Variants in IL1RAPL1 observed in about 807,000 individuals in gnomAD.
The protein encoded by IL1RAPL1 is interleukin 1 receptor accessory protein like 1.
In IL1RAPL1, 3 loss-of-function variants were observed where a neutral mutation model predicts 48.4. That is an observed-to-expected ratio of 0.06 (90% CI 0.03 to 0.16). The LOEUF (loss-of-function observed/expected upper bound fraction) is 0.16. Among genes scored for constraint, IL1RAPL1 ranks in the 10% least tolerant of loss-of-function variants. The pLI is 1.00. For synonymous variants in IL1RAPL1, 185 were observed against 187.7 expected (o/e 0.99, Z 0.12); for missense variants, 349 against 530.6 (o/e 0.66, Z 3.36).
chrX:28,666,232 A>G (rs1349736688), intron 1 of IL1RAPL1, among the ~76,000 whole-genome samples: 2 of 112,159 alleles, frequency 1.8e-5, no homozygotes, highest in African/African-American at 3.2e-5. Context: ...CTGTAAAATG[A>G]CATCCAAATA....
intron 5 of IL1RAPL1, among the ~76,000 whole-genome samples, chrX:29,638,606 G>A (rs894439136): frequency 7.2e-5 from 8 of 111,073 alleles, no homozygotes; most frequent in Non-Finnish European, 1.5e-4. Context: ...TTGTTCAGTT[G>A]AACAATGCCC....
At chrX:28,705,430 G>A (rs1368370077) in intron 1 of IL1RAPL1, among the ~76,000 whole-genome samples, 1 of 111,602 alleles carries the variant, frequency 9.0e-6, no homozygotes, top group African/African-American at 3.3e-5. Context: ...CAGACCTACC[G>A]GTGTCTTTTA....
chrX:29,668,888 C>A (rs756899063), intron 6 of IL1RAPL1, among the ~76,000 whole-genome samples: 133 of 111,203 alleles, frequency 1.2e-3, no homozygotes, highest in African/African-American at 4.2e-3. Flanking sequence ...GGAAAGGGTT[C>A]AAATTTATTA....
At chrX:29,233,284 T>G (rs960707331) in intron 2 of IL1RAPL1, among the ~76,000 whole-genome samples, 13 of 110,834 alleles carry the variant, frequency 1.2e-4, no homozygotes, top group African/African-American at 3.9e-4. Flanking sequence ...CTACATCTTT[T>G]CTTCTCTTCT....
intron 6 of IL1RAPL1, among the ~76,000 whole-genome samples, chrX:29,734,271 T>G (rs1927991451): frequency 8.9e-6 from 1 of 112,738 alleles, no homozygotes; most frequent in African/African-American, 3.2e-5. Flanking sequence ...TAATAATTTC[T>G]TCAGACAGGA....
chrX:29,892,929 C>T (rs1312065095), intron 6 of IL1RAPL1, among the ~76,000 whole-genome samples: 2 of 111,998 alleles, frequency 1.8e-5, no homozygotes, highest in African/African-American at 3.2e-5. Context: ...AGCCTAGAAA[C>T]ATTGGGTATG....
At chrX:28,923,996 C>A (rs755768194) in intron 2 of IL1RAPL1, 1 of 111,258 alleles carries the variant, frequency 9.0e-6, no homozygotes, top group Admixed American at 9.6e-5. Flanking sequence ...AGACCTGTAG[C>A]TACCCATGGT....
chrX:28,986,523 G>A (rs981578320), intron 2 of IL1RAPL1, among the ~76,000 whole-genome samples: 2 of 112,028 alleles, frequency 1.8e-5, no homozygotes, highest in Non-Finnish European at 3.8e-5. Context: ...TCTAGTTCAT[G>A]ACTTCTTTAT....
chrX:29,683,333 C>T (rs191693343), intron 6 of IL1RAPL1, among the ~76,000 whole-genome samples: 12 of 111,967 alleles, frequency 1.1e-4, no homozygotes, highest in South Asian at 3.8e-4. Context: ...TTCCCCAAGA[C>T]GCCAAGACTT....
chrX:29,237,515 T>C (rs182984436), intron 2 of IL1RAPL1, among the ~76,000 whole-genome samples: 10 of 112,518 alleles, frequency 8.9e-5, no homozygotes, highest in African/African-American at 2.9e-4. Flanking sequence ...AATGTACACA[T>C]CGATAAGTAG....
chrX:29,071,273 G>A (rs935325571), intron 2 of IL1RAPL1, among the ~76,000 whole-genome samples: 1 of 111,389 alleles, frequency 9.0e-6, no homozygotes. Flanking sequence ...CAGGCAAAGA[G>A]TTGTTTGTTT....
chrX:29,919,698 T>C (rs1485049079), intron 7 of IL1RAPL1, among the ~76,000 whole-genome samples: 2 of 112,600 alleles, frequency 1.8e-5, no homozygotes, highest in Admixed American at 1.9e-4. Flanking sequence ...CTCTTTATTA[T>C]GACAGTGTGA....
chrX:28,976,348 G>A (rs1365114809), intron 2 of IL1RAPL1, among the ~76,000 whole-genome samples: 4 of 111,238 alleles, frequency 3.6e-5, no homozygotes, highest in Non-Finnish European at 7.5e-5. Context: ...GACAGGTGGT[G>A]GGTTGTGAAT....
chrX:29,625,205 A>G (rs1295428573), intron 5 of IL1RAPL1, among the ~76,000 whole-genome samples: 1 of 112,074 alleles, frequency 8.9e-6, no homozygotes, highest in East Asian at 2.8e-4. Context: ...GAATCATATA[A>G]TTTTAATAAA....
intron 5 of IL1RAPL1, among the ~76,000 whole-genome samples, chrX:29,591,027 G>A (rs141799318): frequency 8.9e-6 from 1 of 112,256 alleles, no homozygotes; most frequent in Non-Finnish European, 1.9e-5. Flanking sequence ...CATCCTCGAG[G>A]CATGCACCGT....
At chrX:28,737,200 TC>T (rs1569161914) in intron 1 of IL1RAPL1, among the ~76,000 whole-genome samples, 1 of 75,689 alleles carries the variant, frequency 1.3e-5, no homozygotes, top group African/African-American at 5.3e-5. Context: ...TCTCTTTCTT[TC>T]TTTCTCTTTC....
At chrX:28,609,180 T>G in intron 1 of IL1RAPL1, among the ~76,000 whole-genome samples, 1 of 112,127 alleles carries the variant, frequency 8.9e-6, no homozygotes, top group East Asian at 2.8e-4. Context: ...AAGGCTTCCT[T>G]TATTATTGCT....
At chrX:29,305,135 A>G (rs1932597887) in intron 3 of IL1RAPL1, among the ~76,000 whole-genome samples, 1 of 112,194 alleles carries the variant, frequency 8.9e-6, no homozygotes, top group South Asian at 3.7e-4. Flanking sequence ...CAGCTGTTAA[A>G]GAGGAAAGAT....
In IL1RAPL1 at chrX:29,620,144, A is replaced by G. The variant is rs114911739; in HGVS notation, c.704-48286A>G. On this transcript the variant is annotated intron_variant, in intron 5 of 10. Coordinates refer to ENST00000378993, the MANE Select transcript of IL1RAPL1 (RefSeq NM_014271.4). ...TGAATCCAGTTTCTAGTGGTTACTT[A>G]TCATATCAAAATTTCTCGTGGCGTT... is the stretch of plus-strand genomic sequence containing the variant. Among the ~76,000 whole-genome samples, 183 of 111,808 alleles carry G rather than the reference A, an allele frequency of 1.6e-3. No individual in the cohort carries two copies. The Middle Eastern group carries it at 0.032, about 20-fold the overall frequency.
Sources: gnomAD v4.1 joint callset for allele counts (sites outside exome capture counted in the v4.1 genomes callset) on GRCh38, gnomAD v4.1.1 for gene constraint, MANE v1.5 for transcripts, NCBI Gene and HGNC (gene_info 2026-07-23, HGNC 2026-07-21) for gene names.